MAP3K1: variants seen among roughly 807,000 people sequenced by gnomAD.
The protein encoded by MAP3K1 is mitogen-activated protein kinase kinase kinase 1.
In MAP3K1, 36 loss-of-function variants were observed where a neutral mutation model predicts 144.2. That is an observed-to-expected ratio of 0.25 (90% CI 0.19 to 0.33). The LOEUF is 0.33. MAP3K1 is among the 10% of genes least tolerant of loss of function. MAP3K1 has a pLI of 1.00. For missense variants in MAP3K1, 1,650 were observed against 1,881.9 expected (o/e 0.88, Z 2.28); for synonymous variants, 718 against 688.7 (o/e 1.04, Z -0.67).
At chr5:56,853,889 T>G (rs1295780213) in intron 1 of MAP3K1, among the ~76,000 whole-genome samples, 3 of 151,822 alleles carry the variant, frequency 2.0e-5, no homozygotes, top group Non-Finnish European at 4.4e-5. Flanking sequence ...TGGATTTTAG[T>G]CTAAGCCCGG....
chr5:56,845,366 T>C (rs983838447), intron 1 of MAP3K1, among the ~76,000 whole-genome samples: 1 of 152,204 alleles, frequency 6.6e-6, no homozygotes, highest in Non-Finnish European at 1.5e-5. Flanking sequence ...TGGGATCTTT[T>C]TAATGAACAC....
Position 56,893,742 on chromosome 5 carries a change from G to GTTCCCCACAA in MAP3K1, c.*62_*63insTTCCCCACAA. 1 of 1,575,868 alleles carries GTTCCCCACAA rather than the reference G, an allele frequency of 6.3e-7. No homozygotes were observed. Among genetic ancestry groups the GTTCCCCACAA allele is most frequent in the Non-Finnish European group, 8.7e-7 (1 of 1,151,820 alleles). On this transcript the variant is annotated 3_prime_UTR_variant, in exon 20 of 20. Transcript: ENST00000399503. ...CTCAACAAGAGAAAAAAAACTTGTG[G>GTTCCCCACAA]GGAACCACATTGATATTCTACTGGC...
rs1748647497 is a variant in MAP3K1, at chr5:56,894,548, A to G, written c.*868A>G. The G allele has an allele frequency of 8.6e-6, 2 of 232,570 alleles. No individual in the cohort carries two copies. The highest frequency in any genetic ancestry group is 1.7e-5 in the Non-Finnish European group (2 of 117,714). 14.4% of individuals were successfully genotyped at this position (232,570 alleles called of 1,614,324 possible). ...TTAAGTACAAGTTAACTAAAAATAA[A>G]CTGTCCTCTCTGGTGCAACTCACAA... On this transcript the variant is annotated 3_prime_UTR_variant, in exon 20 of 20. Coordinates refer to ENST00000399503, the MANE Select transcript of MAP3K1 (RefSeq NM_005921.2).
intron 1 of MAP3K1, among the ~76,000 whole-genome samples, chr5:56,844,182 G>GTTTTTTTT (rs1561174026): frequency 3.7e-5 from 4 of 108,394 alleles, no homozygotes; most frequent in Non-Finnish European, 6.1e-5. Flanking sequence ...TGTTTTTTTT[G>GTTTTTTTT]GTTTTTTTTT....
intron 1 of MAP3K1, among the ~76,000 whole-genome samples, chr5:56,816,717 G>C (rs932808941): frequency 3.3e-5 from 5 of 152,312 alleles, no homozygotes; most frequent in African/African-American, 1.2e-4. Flanking sequence ...TGTCAAAGCC[G>C]TGCGGCGGGA....
intron 1 of MAP3K1, among the ~76,000 whole-genome samples, chr5:56,835,125 A>G (rs966291540): frequency 4.2e-4 from 64 of 152,168 alleles, no homozygotes; most frequent in African/African-American, 1.5e-3. Context: ...TCTGTTGGCA[A>G]TCTTAATTCC....
intron 1 of MAP3K1, among the ~76,000 whole-genome samples, chr5:56,824,590 C>A (rs1338610377): frequency 6.6e-6 from 1 of 152,132 alleles, no homozygotes; most frequent in Non-Finnish European, 1.5e-5. Flanking sequence ...CTAGGGCAGC[C>A]TCTGCCATTT....
chr5:56,832,292 G>A (rs1381477225), intron 1 of MAP3K1, among the ~76,000 whole-genome samples: 1 of 152,172 alleles, frequency 6.6e-6, no homozygotes, highest in Admixed American at 6.5e-5. Flanking sequence ...CAGTAAAAGT[G>A]GCAAGCAAAG....
At chr5:56,836,946 C>T (rs905355067) in intron 1 of MAP3K1, among the ~76,000 whole-genome samples, 1 of 152,078 alleles carries the variant, frequency 6.6e-6, no homozygotes, top group African/African-American at 2.4e-5. Context: ...ACAGGGTACT[C>T]CTCTCAGAAA....
intron 16 of MAP3K1, among the ~76,000 whole-genome samples, chr5:56,885,400 G>A (rs1249735098): frequency 2.0e-5 from 3 of 152,040 alleles, no homozygotes; most frequent in African/African-American, 7.2e-5. Context: ...TCTTAAGTAT[G>A]TTATCTGTTG....
rs1158132716 is a variant in MAP3K1, at chr5:56,815,844, C to G, written c.271C>G (p.Pro91Ala). Residue 91 changes from proline (P) to alanine (A), a missense_variant, in exon 1 of 20, where the codon CCG becomes GCG. Pro to Ala is a conservative substitution (Grantham distance 27, BLOSUM62 -1). Around this residue, in one of 6 missense-constraint regions of MAP3K1, gnomAD observed 360 missense variants for 274.7 expected, o/e 1.31. Coordinates refer to ENST00000399503, the MANE Select transcript of MAP3K1 (RefSeq NM_005921.2). ...CTCACCGCCGGCCTCCTCGACTTCC[C>G]CGTCGCCGGAGCCCGCGGACGCAGC... The part of the protein sequence containing the change: ...AASPPASSTS[P>A]SPEPADAAGS... 2 of 1,404,978 alleles carry G rather than the reference C, an allele frequency of 1.4e-6. No individual in the cohort carries two copies. The highest frequency in any genetic ancestry group is 1.9e-6 in the Non-Finnish European group (2 of 1,075,358). 87.0% of individuals were successfully genotyped at this position (1,404,978 alleles called of 1,614,324 possible). A position where few individuals can be genotyped will look rare whatever the true frequency, so the allele number is the denominator to read the frequency against.
intron 1 of MAP3K1, among the ~76,000 whole-genome samples, chr5:56,847,832 G>T (rs1025209525): frequency 3.3e-5 from 5 of 152,122 alleles, no homozygotes; most frequent in African/African-American, 1.2e-4. Flanking sequence ...TTATGCAGAC[G>T]TTATTTTATA....
At chr5:56,820,817 G>A in intron 1 of MAP3K1, 5 of 984,760 alleles carry the variant, frequency 5.1e-6, no homozygotes, top group Non-Finnish European at 6.0e-6. Context: ...GTTTCTGTCG[G>A]TAGGTTGTAG....
chr5:56,820,143 CTATTATATG>C (rs1746109782), intron 1 of MAP3K1, among the ~76,000 whole-genome samples: 1 of 151,944 alleles, frequency 6.6e-6, no homozygotes, highest in Admixed American at 6.6e-5. Context: ...TGTATGATAT[CTATTATATG>C]TATTATATAT....
chr5:56,855,602 C>T (rs996088502), intron 1 of MAP3K1, among the ~76,000 whole-genome samples: 21 of 152,046 alleles, frequency 1.4e-4, no homozygotes, highest in Non-Finnish European at 2.1e-4. Context: ...CTCTGAAGAT[C>T]GTACTTCATA....
At chr5:56,823,276 T>C (rs1746209771) in intron 1 of MAP3K1, among the ~76,000 whole-genome samples, 1 of 152,138 alleles carries the variant, frequency 6.6e-6, no homozygotes, top group Admixed American at 6.6e-5. Flanking sequence ...CGTGCTTTCA[T>C]TTCCTCAGAC....
chr5:56,843,722 T>C (rs1169975734), intron 1 of MAP3K1, among the ~76,000 whole-genome samples: 1 of 152,212 alleles, frequency 6.6e-6, no homozygotes, highest in Non-Finnish European at 1.5e-5. Flanking sequence ...ACAACGAGAC[T>C]ACCCATCTCG....
intron 1 of MAP3K1, among the ~76,000 whole-genome samples, chr5:56,849,484 G>A (rs1747103021): frequency 6.6e-6 from 1 of 152,162 alleles, no homozygotes; most frequent in Non-Finnish European, 1.5e-5. Flanking sequence ...TTAGTCCTCA[G>A]GGTCAAACTT....
At chr5:56,862,480 AC>A (rs34314482) in intron 3 of MAP3K1, among the ~76,000 whole-genome samples, 1 of 151,868 alleles carries the variant, frequency 6.6e-6, no homozygotes, top group South Asian at 2.1e-4. Flanking sequence ...CCTTCCCCAC[AC>A]CCCACCCCCA....
Sources: allele counts gnomAD v4.1 joint callset (sites outside exome capture counted in the v4.1 genomes callset), GRCh38; gene constraint gnomAD v4.1.1; regional missense constraint gnomAD v4.1.1; transcripts MANE v1.5; gene names NCBI Gene and HGNC (gene_info 2026-07-23, HGNC 2026-07-21).